VWC2L: variants seen among roughly 807,000 people sequenced by gnomAD.
VWC2L encodes von Willebrand factor C domain containing 2 like, also known as von Willebrand factor C domain-containing protein 2-like.
VWC2L carries 10 observed loss-of-function variants against 21.6 expected under a neutral mutation model. That is an observed-to-expected ratio of 0.46 (90% CI 0.29 to 0.78). VWC2L has a LOEUF of 0.78. VWC2L is among the 30% of genes least tolerant of loss of function. VWC2L has a pLI of 0.10. For synonymous variants in VWC2L, 96 were observed against 94.3 expected (o/e 1.02, Z -0.10); for missense variants, 209 against 277.1 (o/e 0.75, Z 1.74).
intron 3 of VWC2L, among the ~76,000 whole-genome samples, chr2:214,500,515 CA>C (rs1407920895): frequency 6.6e-6 from 1 of 152,182 alleles, no homozygotes; most frequent in African/African-American, 2.4e-5. Flanking sequence ...CCAGGTAGGA[CA>C]AAAGGCAAGT....
At chr2:214,467,249 G>A (rs544574826) in intron 3 of VWC2L, among the ~76,000 whole-genome samples, 10 of 152,224 alleles carry the variant, frequency 6.6e-5, no homozygotes, top group South Asian at 4.2e-4. Flanking sequence ...CTGTTGGTTC[G>A]TTCCCTAGTG....
chr2:214,435,293 A>G (rs1046535338), intron 2 of VWC2L, among the ~76,000 whole-genome samples: 1 of 152,162 alleles, frequency 6.6e-6, no homozygotes, highest in Admixed American at 6.6e-5. Context: ...AACACAACTC[A>G]CCACATGGTA....
chr2:214,452,416 C>CAT (rs1486842733), intron 3 of VWC2L, among the ~76,000 whole-genome samples: 6 of 152,132 alleles, frequency 3.9e-5, no homozygotes, highest in Non-Finnish European at 8.8e-5. Flanking sequence ...TTTTGAGATT[C>CAT]ATACATGCTG....
chr2:214,533,684 A>T (rs1689478916), intron 3 of VWC2L, among the ~76,000 whole-genome samples: 1 of 152,174 alleles, frequency 6.6e-6, no homozygotes, highest in African/African-American at 2.4e-5. Flanking sequence ...ACCACATGGA[A>T]TTCTCTGATT....
chr2:214,442,485 T>C (rs1275823092), intron 3 of VWC2L, among the ~76,000 whole-genome samples: 1 of 152,174 alleles, frequency 6.6e-6, no homozygotes, highest in East Asian at 1.9e-4. Context: ...CTTTTTATTT[T>C]TGCATGTTGC....
At chr2:214,471,455 T>C (rs1182159466) in intron 3 of VWC2L, among the ~76,000 whole-genome samples, 1 of 152,180 alleles carries the variant, frequency 6.6e-6, no homozygotes, top group African/African-American at 2.4e-5. Flanking sequence ...ATTTATAAAA[T>C]AAACATTTTA....
intron 2 of VWC2L, among the ~76,000 whole-genome samples, chr2:214,418,586 C>T (rs146386514): frequency 3.3e-5 from 5 of 152,258 alleles, no homozygotes; most frequent in East Asian, 1.9e-4. Flanking sequence ...TCGAGGCTAG[C>T]GACACTGTTT....
At chr2:214,412,231 G>A (rs1296697236) in intron 1 of VWC2L, among the ~76,000 whole-genome samples, 3 of 152,022 alleles carry the variant, frequency 2.0e-5, no homozygotes, top group African/African-American at 7.2e-5. Flanking sequence ...CTTACAAAGA[G>A]ATCATTTTCT....
At chr2:214,565,513 C>T (rs1251403201) in intron 3 of VWC2L, among the ~76,000 whole-genome samples, 3 of 152,324 alleles carry the variant, frequency 2.0e-5, no homozygotes, top group Non-Finnish European at 4.4e-5. Flanking sequence ...TGTTTTCATT[C>T]GTCCTGCTTC....
intron 3 of VWC2L, among the ~76,000 whole-genome samples, chr2:214,477,266 T>TC (rs1688538740): frequency 6.6e-6 from 1 of 152,172 alleles, no homozygotes. Context: ...GTTGGGAAAT[T>TC]CCCCAAGCAA....
chr2:214,454,342 T>TA (rs1158544584), intron 3 of VWC2L, among the ~76,000 whole-genome samples: 1 of 152,178 alleles, frequency 6.6e-6, no homozygotes, highest in Non-Finnish European at 1.5e-5. Flanking sequence ...TGTACATTCT[T>TA]ACGTTGTTCT....
chr2:214,560,357 T>A (rs1207401927), intron 3 of VWC2L, among the ~76,000 whole-genome samples: 1 of 152,142 alleles, frequency 6.6e-6, no homozygotes, highest in Non-Finnish European at 1.5e-5. Context: ...TTCTGCTTCG[T>A]TGTGGTGTGT....
intron 3 of VWC2L, among the ~76,000 whole-genome samples, chr2:214,556,921 C>T (rs1051069358): frequency 2.6e-5 from 4 of 152,198 alleles, no homozygotes; most frequent in African/African-American, 9.6e-5. Context: ...GGGCACACTT[C>T]GTGCTGACTA....
chr2:214,458,456 C>T (rs1703088791), intron 3 of VWC2L, among the ~76,000 whole-genome samples: 1 of 151,926 alleles, frequency 6.6e-6, no homozygotes, highest in African/African-American at 2.4e-5. Context: ...GTAATTCCTT[C>T]TTTCTTTATA....
chr2:214,463,283 T>C (rs1703167984), intron 3 of VWC2L, among the ~76,000 whole-genome samples: 1 of 152,100 alleles, frequency 6.6e-6, no homozygotes, highest in South Asian at 2.1e-4. Context: ...ACTTTGAAGT[T>C]TTTTTATGAT....
At chr2:214,497,524 G>C (rs1258485699) in intron 3 of VWC2L, among the ~76,000 whole-genome samples, 1 of 152,128 alleles carries the variant, frequency 6.6e-6, no homozygotes. Flanking sequence ...CTGCAGTATG[G>C]AATTTTTCTT....
intron 2 of VWC2L, chr2:214,436,298 GGT>G: frequency 4.8e-6 from 1 of 209,774 alleles, no homozygotes; most frequent in Non-Finnish European, 9.8e-6. Flanking sequence ...TACGAGAGGA[GGT>G]CAGAGCAATC....
At chr2:214,512,964 G>A (rs1010538523) in intron 3 of VWC2L, among the ~76,000 whole-genome samples, 1 of 152,110 alleles carries the variant, frequency 6.6e-6, no homozygotes, top group Non-Finnish European at 1.5e-5. Flanking sequence ...AAACTCTGGT[G>A]ATTTTCTAGG....
chr2:214,567,055 T>C (rs1012341222), intron 3 of VWC2L, among the ~76,000 whole-genome samples: 3 of 152,126 alleles, frequency 2.0e-5, no homozygotes, highest in African/African-American at 7.2e-5. Context: ...CTTTACACAA[T>C]AGGAACCTGC....
Sources: allele counts gnomAD v4.1 joint callset (sites outside exome capture counted in the v4.1 genomes callset), GRCh38; gene constraint gnomAD v4.1.1; transcripts MANE v1.5; gene names NCBI Gene and HGNC (gene_info 2026-07-23, HGNC 2026-07-21).